Variants in EIF3H observed in about 807,000 individuals in gnomAD.
EIF3H encodes the protein eukaryotic translation initiation factor 3 subunit H, also known as eIF-3-gamma.
In EIF3H, 26 loss-of-function variants were observed where a neutral mutation model predicts 44.2. That is an observed-to-expected ratio of 0.59 (90% CI 0.43 to 0.82). EIF3H has a LOEUF of 0.82. Ranked by LOEUF, EIF3H falls within the 40% of genes least tolerant of loss-of-function variation. The pLI, the probability that EIF3H is intolerant of heterozygous loss-of-function variation, is 0.00. For missense variants in EIF3H, 359 were observed against 432.8 expected, an observed-to-expected ratio of 0.83 and a Z score of 1.51; for synonymous variants, 166 against 151.9, an observed-to-expected ratio of 1.09 and a Z score of -0.68.
chr8:116,717,106 A>C (rs1814671385), intron 2 of EIF3H, among the ~76,000 whole-genome samples: 1 of 152,112 alleles, frequency 6.6e-6, no homozygotes, highest in Non-Finnish European at 1.5e-5. Flanking sequence ...CATATAACAG[A>C]AAATTATAGT....
intron 1 of EIF3H, among the ~76,000 whole-genome samples, chr8:116,739,379 C>G (rs1021446000): frequency 6.6e-6 from 1 of 152,242 alleles, no homozygotes; most frequent in Non-Finnish European, 1.5e-5. Context: ...GGCCGGGCGC[C>G]ATGGCTCACG....
chr8:116,752,724 GAAAGAAAGAAGAGAA>G (rs1815369104), intron 1 of EIF3H, among the ~76,000 whole-genome samples: 4 of 120,382 alleles, frequency 3.3e-5, no homozygotes, highest in African/African-American at 1.2e-4. Context: ...AAGAAAGAAA[GAAAGAAAGAAGAGAA>G]AGAAAGAAAG....
chr8:116,651,838 C>T (rs774891768), intron 5 of EIF3H, among the ~76,000 whole-genome samples: 2 of 152,122 alleles, frequency 1.3e-5, no homozygotes, highest in African/African-American at 2.4e-5. Flanking sequence ...TAAAAACATA[C>T]TACAAGTCTG....
intron 2 of EIF3H, among the ~76,000 whole-genome samples, chr8:116,701,615 T>C (rs902583477): frequency 6.6e-6 from 1 of 152,190 alleles, no homozygotes; most frequent in Non-Finnish European, 1.5e-5. Context: ...GTTGAGATGA[T>C]GCAATGAAAG....
At chr8:116,659,153 C>T (rs1813544056) in intron 2 of EIF3H, among the ~76,000 whole-genome samples, 173 bp from the exon 3 acceptor site, 1 of 152,106 alleles carries the variant, frequency 6.6e-6, no homozygotes. Context: ...CAAAATTAGG[C>T]TTTTAAATCA....
At chr8:116,646,332 G>A (rs377733404) in intron 7 of EIF3H, 139 bp downstream of exon 7, 7 of 1,256,982 alleles carry the variant, frequency 5.6e-6, no homozygotes, top group Non-Finnish European at 7.9e-6. Flanking sequence ...TATTACAGGT[G>A]CTAGATTCAA....
At chr8:116,754,965 T>C (rs1422458819) in intron 1 of EIF3H, among the ~76,000 whole-genome samples, 2 of 152,234 alleles carry the variant, frequency 1.3e-5, no homozygotes, top group African/African-American at 4.8e-5. Flanking sequence ...AGGATACTTT[T>C]AAAACTAGAA....
At chr8:116,708,298 CATT>C (rs922860831) in intron 2 of EIF3H, among the ~76,000 whole-genome samples, 24 of 151,632 alleles carry the variant, frequency 1.6e-4, no homozygotes, top group African/African-American at 2.7e-4. Flanking sequence ...AATGTCACCT[CATT>C]ATTATTATTA....
intron 2 of EIF3H, among the ~76,000 whole-genome samples, chr8:116,719,295 G>A (rs569657262): frequency 6.6e-6 from 1 of 152,270 alleles, no homozygotes; most frequent in South Asian, 2.1e-4. Flanking sequence ...CAGAGCTACA[G>A]TTAGAATGGA....
intron 2 of EIF3H, among the ~76,000 whole-genome samples, chr8:116,694,413 C>G (rs769906115): frequency 2.6e-5 from 4 of 152,210 alleles, no homozygotes; most frequent in Non-Finnish European, 5.9e-5. Flanking sequence ...TGTGAACTGT[C>G]TAAACCATCT....
intron 1 of EIF3H, among the ~76,000 whole-genome samples, chr8:116,742,888 T>C (rs1815154762): frequency 6.6e-6 from 1 of 152,206 alleles, no homozygotes; most frequent in Non-Finnish European, 1.5e-5. Flanking sequence ...AATGGCTGTG[T>C]TTAAACAGGT....
chr8:116,679,280 G>A (rs1813920517), intron 2 of EIF3H, among the ~76,000 whole-genome samples: 1 of 50,864 alleles, frequency 2.0e-5, no homozygotes, highest in African/African-American at 5.1e-5. Flanking sequence ...CAGCCGCCCC[G>A]TCCGGGAGGG....
chr8:116,756,321 T>C (rs199759224), upstream of EIF3H, among the ~76,000 whole-genome samples: 210 of 152,356 alleles, frequency 1.4e-3, no homozygotes, highest in Non-Finnish European at 2.5e-3. Context: ...GAAACTTTTA[T>C]CAGAATTACC....
At chr8:116,668,971 T>TA (rs1182993492) in intron 2 of EIF3H, among the ~76,000 whole-genome samples, 2 of 152,094 alleles carry the variant, frequency 1.3e-5, no homozygotes, top group African/African-American at 4.8e-5. Flanking sequence ...CATGGAGTGT[T>TA]ACGCAAGCTC....
At chr8:116,707,278 T>G (rs1814487483) in intron 2 of EIF3H, among the ~76,000 whole-genome samples, 1 of 152,206 alleles carries the variant, frequency 6.6e-6, no homozygotes, top group Non-Finnish European at 1.5e-5. Context: ...ATAATGAATG[T>G]ACTTTTTAAA....
At chr8:116,719,028 G>A (rs574476165) in intron 2 of EIF3H, among the ~76,000 whole-genome samples, 1 of 152,216 alleles carries the variant, frequency 6.6e-6, no homozygotes, top group South Asian at 2.1e-4. Flanking sequence ...AATGAAGACA[G>A]AAATAATTAT....
rs151064069 is a variant in EIF3H, at chr8:116,668,470, T to C, written c.290-9490A>G. ...ATACAATGTTAAAGAAGTACATACA[T>C]ATACATACATACATAGTGACAAAAG... On this transcript the variant is annotated intron_variant, in intron 2 of 7. Transcript: ENST00000521861. 1.4e-3 allele frequency among the ~76,000 whole-genome samples: 213 copies of C among 152,320 alleles called. 1 individual carries two copies. The highest frequency in any genetic ancestry group is 6.8e-3 in the Middle Eastern group (2 of 294).
intron 2 of EIF3H, among the ~76,000 whole-genome samples, chr8:116,663,664 C>G (rs909641710): frequency 8.5e-5 from 13 of 152,128 alleles, no homozygotes; most frequent in African/African-American, 2.9e-4. Flanking sequence ...CACGCCGTGG[C>G]TCTCGCCTGT....
At chr8:116,708,139 G>C (rs1242921387) in intron 2 of EIF3H, among the ~76,000 whole-genome samples, 1 of 151,992 alleles carries the variant, frequency 6.6e-6, no homozygotes, top group Non-Finnish European at 1.5e-5. Flanking sequence ...CAAAAAGACG[G>C]TAACATTCTT....
Sources: gnomAD v4.1 joint callset for allele counts (sites outside exome capture counted in the v4.1 genomes callset) on GRCh38, gnomAD v4.1.1 for gene constraint, MANE v1.5 for transcripts, NCBI Gene and HGNC (gene_info 2026-07-23, HGNC 2026-07-21) for gene names.